GABRG1: variants seen among roughly 807,000 people sequenced by gnomAD.
GABRG1 encodes gamma-aminobutyric acid receptor subunit gamma-1.
GABRG1 carries 49 observed loss-of-function variants against 49.8 expected under a neutral mutation model. The observed-to-expected ratio is 0.98, with a 90% CI of 0.78 to 1.25. The LOEUF is 1.25. GABRG1 is among the 50% of genes most tolerant of loss of function. GABRG1 has a pLI of 0.00. For missense variants in GABRG1, 552 were observed against 552.3 expected, an observed-to-expected ratio of 1.00 and a Z score of 0.01; for synonymous variants, 232 against 185.1, an observed-to-expected ratio of 1.25 and a Z score of -2.06.
chr4:46,092,666 T>G (rs1488762211), intron 2 of GABRG1, among the ~76,000 whole-genome samples: 1 of 152,002 alleles, frequency 6.6e-6, no homozygotes, highest in Non-Finnish European at 1.5e-5. Flanking sequence ...ATTGCCAGAC[T>G]TGATAATTAG....
intron 1 of GABRG1, among the ~76,000 whole-genome samples, chr4:46,102,130 T>C (rs1340004750): frequency 6.6e-6 from 1 of 151,640 alleles, no homozygotes; most frequent in East Asian, 2.0e-4. Context: ...AATGAATAAC[T>C]AAATAGAGTA....
chr4:46,050,012 A>G (rs1206121359), intron 8 of GABRG1, among the ~76,000 whole-genome samples: 1 of 152,002 alleles, frequency 6.6e-6, no homozygotes, highest in Non-Finnish European at 1.5e-5. Context: ...CTTTCAAGGC[A>G]ATAATCCAAC....
chr4:46,116,659 T>C (rs866740319), intron 1 of GABRG1, among the ~76,000 whole-genome samples: 22 of 150,956 alleles, frequency 1.5e-4, no homozygotes, highest in African/African-American at 5.1e-4. Context: ...TCTTAGACTA[T>C]TCACTTCAAA....
rs77068554 is a variant in GABRG1, at chr4:46,115,534, A to G, written c.104+8276T>C. 3.7e-3 allele frequency among the ~76,000 whole-genome samples: 555 copies of G among 150,930 alleles called. 1 individual carries two copies. Among genetic ancestry groups the G allele is most frequent in the African/African-American group, 0.013 (524 of 41,446 alleles). ...TAAAGAAAAATAAAGTTGAGTAAAA[A>G]ACTCAAACTGTAAAGTAAAATTAAT... On this transcript the variant is annotated intron_variant, in intron 1 of 8. Transcript: ENST00000295452.
intron 1 of GABRG1, among the ~76,000 whole-genome samples, chr4:46,121,915 C>T (rs747862294): frequency 3.3e-5 from 5 of 152,012 alleles, no homozygotes; most frequent in Non-Finnish European, 7.4e-5. Context: ...CCATAGTATT[C>T]ACACTTAGAA....
At chr4:46,110,162 G>A (rs1010383339) in intron 1 of GABRG1, among the ~76,000 whole-genome samples, 1 of 151,020 alleles carries the variant, frequency 6.6e-6, no homozygotes, top group Admixed American at 6.6e-5. Context: ...TGTTTTTGTA[G>A]TTCTAGATGT....
At chr4:46,073,479 A>G (rs887039385) in intron 3 of GABRG1, among the ~76,000 whole-genome samples, 1 of 152,070 alleles carries the variant, frequency 6.6e-6, no homozygotes, top group Non-Finnish European at 1.5e-5. Flanking sequence ...CACTTATTTC[A>G]TACTTACCTT....
At position 46,064,432 on chromosome 4, in the gene GABRG1, G is replaced by T. The variant is rs1718830141; in HGVS notation, c.625+9C>A. Reference sequence around the variant, plus strand: ...ATTCTATGAAATTATCAAGTGTTTTGTTACTTACAGCTTGAAAATTCCAGT... The same window carrying T: ...ATTCTATGAAATTATCAAGTGTTTTTTTACTTACAGCTTGAAAATTCCAGT... On this transcript the variant is annotated intron_variant, in intron 5 of 8. Transcript: ENST00000295452. 2.1e-6 allele frequency: 3 copies of T among 1,439,100 alleles called. No homozygotes were observed. The South Asian group carries it at 4.1e-5, about 20-fold the overall frequency. 89.1% of individuals were successfully genotyped at this position (1,439,100 alleles called of 1,614,324 possible). A position where few individuals can be genotyped will look rare whatever the true frequency, so the allele number is the denominator to read the frequency against.
chr4:46,056,700 T>G (rs76919341), intron 7 of GABRG1, among the ~76,000 whole-genome samples: 1,997 of 152,228 alleles, frequency 0.013, 34 homozygotes, highest in Non-Finnish European at 0.017. Context: ...CACTGCTTGT[T>G]TAACAGAAAG....
chr4:46,078,586 G>A (rs1303846243), intron 3 of GABRG1, among the ~76,000 whole-genome samples: 1 of 151,822 alleles, frequency 6.6e-6, no homozygotes. Context: ...TCTTGCAATG[G>A]AATAAATTAT....
chr4:46,071,883 TGAA>T (rs996156612), intron 3 of GABRG1, among the ~76,000 whole-genome samples: 2 of 152,018 alleles, frequency 1.3e-5, no homozygotes, highest in Admixed American at 6.6e-5. Context: ...AATTTGTTAT[TGAA>T]GAAAGAAATT....
At chr4:46,079,569 C>T (rs1193566478) in intron 3 of GABRG1, among the ~76,000 whole-genome samples, 1 of 151,798 alleles carries the variant, frequency 6.6e-6, no homozygotes, top group Non-Finnish European at 1.5e-5. Context: ...CTATATTAGT[C>T]ATCTCTTAAT....
In GABRG1 at chr4:46,038,927, T is replaced by C. The variant is rs896536007; in HGVS notation, c.*2061A>G. Reference sequence around the variant, plus strand: ...TCAAAGCTATTTTTTTTCTTTTACATAGAACGTGGTTCAGAAGGAAAAGCT... The same window carrying C: ...TCAAAGCTATTTTTTTTCTTTTACACAGAACGTGGTTCAGAAGGAAAAGCT... On this transcript the variant is annotated 3_prime_UTR_variant, in exon 9 of 9. Transcript: ENST00000295452. 3.3e-5 allele frequency: 5 copies of C among 151,756 alleles called. No individual in the cohort carries two copies. Among genetic ancestry groups the C allele is most frequent in the African/African-American group, 1.2e-4 (5 of 41,508 alleles). The allele number at this position is 151,756 out of a possible 1,614,324, so 9.4% of individuals were successfully genotyped here. A position where few individuals can be genotyped will look rare whatever the true frequency, so the allele number is the denominator to read the frequency against.
intron 2 of GABRG1, among the ~76,000 whole-genome samples, chr4:46,095,809 T>A (rs1056393083): frequency 2.0e-4 from 31 of 151,994 alleles, no homozygotes; most frequent in African/African-American, 7.2e-4. Context: ...ATGATGAGAA[T>A]TTTTTTAATT....
At chr4:46,091,063 A>T (rs1459360264) in intron 2 of GABRG1, among the ~76,000 whole-genome samples, 1 of 151,704 alleles carries the variant, frequency 6.6e-6, no homozygotes, top group Non-Finnish European at 1.5e-5. Flanking sequence ...AATTGTACGT[A>T]TGTGATGTTG....
At chr4:46,064,795 C>T (rs926559711) in intron 4 of GABRG1, among the ~76,000 whole-genome samples, 1 of 152,058 alleles carries the variant, frequency 6.6e-6, no homozygotes, top group African/African-American at 2.4e-5. Context: ...ATAATTCATA[C>T]TTCAATATGT....
Position 46,064,372 on chromosome 4 carries a change from T to C in GABRG1, c.625+69A>G, listed in dbSNP as rs1267440127. 4.8e-6 allele frequency: 4 copies of C among 831,102 alleles called. No homozygotes were observed. The Admixed American group carries it at 8.5e-5, about 18-fold the overall frequency. 51.5% of individuals were successfully genotyped at this position (831,102 alleles called of 1,614,324 possible). A position where few individuals can be genotyped will look rare whatever the true frequency, so the allele number is the denominator to read the frequency against. ...TGAAAATCCTATTTTATTTTCTTTC[T>C]TTTCATTTTTAAATAAACAGCTTCT... On this transcript the variant is annotated intron_variant, in intron 5 of 8. Coordinates refer to ENST00000295452, the MANE Select transcript of GABRG1 (RefSeq NM_173536.4).
chr4:46,094,963 C>G (rs1327474406), intron 2 of GABRG1, among the ~76,000 whole-genome samples: 1 of 151,844 alleles, frequency 6.6e-6, no homozygotes, highest in African/African-American at 2.4e-5. Flanking sequence ...ATACTCCCCA[C>G]AGTTAAGTAT....
intron 1 of GABRG1, among the ~76,000 whole-genome samples, chr4:46,104,489 T>G (rs980137710): frequency 6.6e-6 from 1 of 151,550 alleles, no homozygotes; most frequent in African/African-American, 2.4e-5. Context: ...CTATGTATCC[T>G]TGAATGACAC....
Sources: allele counts gnomAD v4.1 joint callset (sites outside exome capture counted in the v4.1 genomes callset), GRCh38; gene constraint gnomAD v4.1.1; transcripts MANE v1.5; gene names NCBI Gene and HGNC (gene_info 2026-07-23, HGNC 2026-07-21).